GRID2: variants seen among roughly 807,000 people sequenced by gnomAD.
The protein encoded by GRID2 is glutamate receptor ionotropic, delta-2.
In GRID2, 33 loss-of-function variants were observed where a neutral mutation model predicts 114.8. The observed-to-expected ratio is 0.29, with a 90% CI of 0.22 to 0.38. The LOEUF is 0.38. GRID2 is among the 10% of genes least tolerant of loss of function. The pLI is 1.00. For synonymous variants in GRID2, 505 were observed against 449.9 expected, an observed-to-expected ratio of 1.12 and a Z score of -1.55; for missense variants, 1,184 against 1,257.7, an observed-to-expected ratio of 0.94 and a Z score of 0.89.
chr4:92,799,317 A>G (rs2149370751), intron 2 of GRID2, among the ~76,000 whole-genome samples: 1 of 152,022 alleles, frequency 6.6e-6, no homozygotes, highest in Admixed American at 6.6e-5. Context: ...ATCTGATGGG[A>G]AGTGGAGCCC....
intron 1 of GRID2, among the ~76,000 whole-genome samples, chr4:92,385,931 A>G (rs970781047): frequency 6.7e-6 from 1 of 149,160 alleles, no homozygotes; most frequent in Non-Finnish European, 1.5e-5. Context: ...TATATGAAAT[A>G]CACAGTTCAT....
At chr4:93,579,385 C>G (rs1736746592) in intron 13 of GRID2, among the ~76,000 whole-genome samples, 1 of 152,054 alleles carries the variant, frequency 6.6e-6, no homozygotes, top group South Asian at 2.1e-4. Flanking sequence ...TATTCCAGTC[C>G]TGACAGCTGG....
At chr4:92,455,200 T>C (rs1721144222) in intron 1 of GRID2, among the ~76,000 whole-genome samples, 1 of 152,218 alleles carries the variant, frequency 6.6e-6, no homozygotes, top group Non-Finnish European at 1.5e-5. Context: ...TTATTTATTT[T>C]TCATTTGGAG....
chr4:92,507,002 T>G (rs771003022), intron 1 of GRID2, among the ~76,000 whole-genome samples: 2 of 151,902 alleles, frequency 1.3e-5, no homozygotes, highest in South Asian at 2.1e-4. Flanking sequence ...CATCCCTGCC[T>G]CCTGCTCAGG....
rs1729706353 is a variant in GRID2, at chr4:92,383,260, C to T, written c.88+78516C>T. On this transcript the variant is annotated intron_variant, in intron 1 of 15. Coordinates refer to ENST00000282020, the MANE Select transcript of GRID2 (RefSeq NM_001510.4). ...ATGAGATTTGGTGGGGACACAGCTCCAAAACATACCACATTGTTAGGGAGG... is the reference window on the plus strand; with the variant it reads ...ATGAGATTTGGTGGGGACACAGCTCTAAAACATACCACATTGTTAGGGAGG... Among the ~76,000 whole-genome samples, 10 of 151,980 alleles carry T rather than the reference C, an allele frequency of 6.6e-5. No individual in the cohort carries two copies. The South Asian group carries it at 2.1e-3, about 32-fold the overall frequency.
chr4:92,341,044 TTA>T (rs1727454865), intron 1 of GRID2, among the ~76,000 whole-genome samples: 1 of 152,178 alleles, frequency 6.6e-6, no homozygotes, highest in African/African-American at 2.4e-5. Context: ...CACCTCAGTA[TTA>T]TATACAAAAG....
chr4:93,564,650 T>C (rs1459564981), intron 13 of GRID2, among the ~76,000 whole-genome samples: 8 of 152,094 alleles, frequency 5.3e-5, no homozygotes, highest in Non-Finnish European at 1.5e-5. Context: ...TAACCTGCCA[T>C]GCTGTACTTT....
intron 8 of GRID2, among the ~76,000 whole-genome samples, chr4:93,341,337 T>C (rs1285945998): frequency 6.6e-6 from 1 of 152,050 alleles, no homozygotes; most frequent in South Asian, 2.1e-4. Flanking sequence ...ATTTTTTTTT[T>C]TCTTTGAGAC....
Position 93,406,007 on chromosome 4 carries a change from G to C in GRID2, c.1347+10299G>C, listed in dbSNP as rs767963636. Among the ~76,000 whole-genome samples, 5 of 152,100 alleles carry C rather than the reference G, an allele frequency of 3.3e-5. 1 individual carries two copies. The highest frequency in any genetic ancestry group is 7.4e-5 in the Non-Finnish European group (5 of 68,008). On this transcript the variant is annotated intron_variant, in intron 9 of 15. Transcript: ENST00000282020. ...GTTAGTATTTTCTCTAGTCTTTACTGAACCTTTAAGATTATTAATTTTTTT... is the reference window on the plus strand; with the variant it reads ...GTTAGTATTTTCTCTAGTCTTTACTCAACCTTTAAGATTATTAATTTTTTT...
chr4:92,709,585 A>ATATATATAT (rs1392277814), intron 2 of GRID2, among the ~76,000 whole-genome samples: 27 of 124,340 alleles, frequency 2.2e-4, no homozygotes, highest in African/African-American at 8.2e-4. Flanking sequence ...AAAAAAAAAA[A>ATATATATAT]AAAAATATAT....
intron 2 of GRID2, among the ~76,000 whole-genome samples, chr4:92,850,513 T>C (rs1010131984): frequency 6.6e-6 from 1 of 151,930 alleles, no homozygotes; most frequent in Non-Finnish European, 1.5e-5. Context: ...TGTTCATACA[T>C]AAACTTAGAA....
At chr4:93,353,908 G>A (rs1761047164) in intron 8 of GRID2, among the ~76,000 whole-genome samples, 2 of 151,862 alleles carry the variant, frequency 1.3e-5, no homozygotes, top group Non-Finnish European at 2.9e-5. Flanking sequence ...ATAAGAGTAG[G>A]CACCTACAAA....
rs74990497 is a variant in GRID2 at position 93,129,903 on chromosome 4, G to A, written c.735+18950G>A. 4.9e-3 allele frequency among the ~76,000 whole-genome samples: 741 copies of A among 152,224 alleles called. 12 individuals are homozygous for A. The highest frequency in any genetic ancestry group is 0.017 in the African/African-American group (710 of 41,518). On this transcript the variant is annotated intron_variant, in intron 4 of 15. Transcript: ENST00000282020. ...TTGGATCGTATTGTTCAGAGATGGA[G>A]TGGATCTAACTAGGGCAATTAGCTG...
At chr4:93,066,006 T>C (rs978567290) in intron 2 of GRID2, among the ~76,000 whole-genome samples, 1 of 151,870 alleles carries the variant, frequency 6.6e-6, no homozygotes, top group Non-Finnish European at 1.5e-5. Flanking sequence ...TGGTGTATAA[T>C]GATACCATTT....
chr4:92,491,519 T>C (rs576200570), intron 1 of GRID2, among the ~76,000 whole-genome samples: 3 of 152,270 alleles, frequency 2.0e-5, no homozygotes, highest in East Asian at 3.9e-4. Context: ...CTCAAAAACA[T>C]TGGTGTTTTA....
chr4:92,576,566 A>C (rs62310083), intron 1 of GRID2, among the ~76,000 whole-genome samples: 23,352 of 152,078 alleles, frequency 0.15, 3,126 homozygotes, highest in African/African-American at 0.36. Flanking sequence ...GCTGCAGACA[A>C]CCTTGCCAGG....
At chr4:93,270,890 AAGT>A (rs1277442701) in intron 8 of GRID2, among the ~76,000 whole-genome samples, 4 of 152,096 alleles carry the variant, frequency 2.6e-5, no homozygotes, top group African/African-American at 9.7e-5. Flanking sequence ...CAGCCTCTCA[AAGT>A]GCTGGGATTA....
intron 13 of GRID2, among the ~76,000 whole-genome samples, chr4:93,581,940 T>C (rs368481564): frequency 7.9e-5 from 12 of 152,194 alleles, no homozygotes; most frequent in African/African-American, 2.7e-4. Flanking sequence ...CTTAAAAACA[T>C]AAGATTTTGT....
chr4:92,567,149 C>T (rs994284382), intron 1 of GRID2, among the ~76,000 whole-genome samples: 3 of 152,070 alleles, frequency 2.0e-5, no homozygotes, highest in East Asian at 1.9e-4. Flanking sequence ...TATGAAATAA[C>T]CTGCAATACC....
Sources: gnomAD v4.1 joint callset for allele counts (sites outside exome capture counted in the v4.1 genomes callset) on GRCh38, gnomAD v4.1.1 for gene constraint, MANE v1.5 for transcripts, NCBI Gene and HGNC (gene_info 2026-07-23, HGNC 2026-07-21) for gene names.